The following PLEKHA7 variants were observed in gnomAD, a reference collection of about 807,000 sequenced individuals.
PLEKHA7 encodes the protein pleckstrin homology domain-containing family A member 7.
In PLEKHA7, 104 loss-of-function variants were observed where a neutral mutation model predicts 170.0. That is an observed-to-expected ratio of 0.61 (90% CI 0.52 to 0.72). The LOEUF is 0.72. Ranked by LOEUF, PLEKHA7 falls within the 30% of genes least tolerant of loss-of-function variation. PLEKHA7 has a pLI of 0.00. For synonymous variants in PLEKHA7, 648 were observed against 660.8 expected, an observed-to-expected ratio of 0.98 and a Z score of 0.30; for missense variants, 1,615 against 1,671.7, an observed-to-expected ratio of 0.97 and a Z score of 0.59.
At chr11:16,805,789 C>CAAAAAAAAAAA (rs11339921) in intron 13 of PLEKHA7, among the ~76,000 whole-genome samples, 4 of 111,196 alleles carry the variant, frequency 3.6e-5, no homozygotes, top group Non-Finnish European at 5.6e-5. Context: ...GACTCCATGT[C>CAAAAAAAAAAA]AAAAAAAAAA....
chr11:16,982,658 T>C (rs1451731322), intron 3 of PLEKHA7, among the ~76,000 whole-genome samples: 1 of 152,076 alleles, frequency 6.6e-6, no homozygotes, highest in Non-Finnish European at 1.5e-5. Context: ...CCCGTCCTCC[T>C]GTGCAGCTCT....
At chr11:16,870,978 C>T in intron 4 of PLEKHA7, 121 bp downstream of exon 4, 1 of 655,752 alleles carries the variant, frequency 1.5e-6, no homozygotes, top group East Asian at 3.1e-5. Flanking sequence ...TTGAATCAAC[C>T]AACCCACTCA....
rs571661532 is a variant in PLEKHA7 at position 16,906,611 on chromosome 11, G to A, written c.222-35429C>T. 1.9e-4 allele frequency among the ~76,000 whole-genome samples: 27 copies of A among 138,862 alleles called. No individual in the cohort carries two copies. The East Asian group carries it at 5.1e-3, about 26-fold the overall frequency. The allele number at this position is 138,862 out of a possible 152,430, so 91.1% of individuals were successfully genotyped here. On this transcript the variant is annotated intron_variant, in intron 3 of 26. Coordinates refer to ENST00000531066, the MANE Select transcript of PLEKHA7 (RefSeq NM_001329630.2). ...GTGCCGGGATGGCAGACGGAGTCGC[G>A]TTCACTCACTCAGTGTTCAGTGGTG...
At chr11:16,893,136 A>G (rs1856780322) in intron 3 of PLEKHA7, among the ~76,000 whole-genome samples, 1 of 152,232 alleles carries the variant, frequency 6.6e-6, no homozygotes, top group Admixed American at 6.5e-5. Context: ...TCTAACGGTT[A>G]TGTCAACACT....
intron 3 of PLEKHA7, among the ~76,000 whole-genome samples, chr11:16,945,706 G>A (rs1387167363): frequency 6.6e-6 from 1 of 152,188 alleles, no homozygotes; most frequent in Non-Finnish European, 1.5e-5. Flanking sequence ...GTGGTGAGGG[G>A]ACATGAGGGG....
At chr11:16,796,857 G>A (rs1848265690) in intron 17 of PLEKHA7, among the ~76,000 whole-genome samples, 1 of 152,064 alleles carries the variant, frequency 6.6e-6, no homozygotes, top group Admixed American at 6.5e-5. Flanking sequence ...TGTAGAGACA[G>A]GGGTCTTGTT....
intron 4 of PLEKHA7, among the ~76,000 whole-genome samples, chr11:16,866,913 C>T (rs947637314): frequency 2.0e-5 from 3 of 152,076 alleles, no homozygotes; most frequent in Admixed American, 2.0e-4. Context: ...TCCTACCTGC[C>T]AACAGTGGGG....
chr11:16,906,266 GGAAGGAAGGAAGGAAA>G (rs1446797249), intron 3 of PLEKHA7, among the ~76,000 whole-genome samples: 2 of 97,828 alleles, frequency 2.0e-5, no homozygotes, highest in African/African-American at 7.5e-5. Context: ...AAGGAAGGAA[GGAAGGAAGGAAGGAAA>G]GAAAGAAAAT....
chr11:16,989,174 T>C (rs375603151), intron 3 of PLEKHA7, among the ~76,000 whole-genome samples: 5 of 152,316 alleles, frequency 3.3e-5, no homozygotes, highest in African/African-American at 9.6e-5. Context: ...AACCCCTTTG[T>C]CCCAGAGCTA....
At chr11:17,008,506 T>C (rs1276364044) in intron 3 of PLEKHA7, among the ~76,000 whole-genome samples, 2 of 152,246 alleles carry the variant, frequency 1.3e-5, no homozygotes, top group African/African-American at 2.4e-5. Context: ...TTCCTGGCTG[T>C]TGAGCTTCTC....
At chr11:16,910,955 C>T (rs538712002) in intron 3 of PLEKHA7, among the ~76,000 whole-genome samples, 1 of 152,336 alleles carries the variant, frequency 6.6e-6, no homozygotes, top group African/African-American at 2.4e-5. Context: ...CACTCTGTCA[C>T]ATTTCCCGAC....
At chr11:16,842,143 C>T (rs1024952780) in intron 8 of PLEKHA7, 11 of 169,882 alleles carry the variant, frequency 6.5e-5, no homozygotes, top group Middle Eastern at 2.9e-3. Flanking sequence ...CTGGCTGCAA[C>T]AGCAGGTGGC....
intron 4 of PLEKHA7, among the ~76,000 whole-genome samples, chr11:16,856,329 C>T (rs969748710): frequency 3.9e-5 from 6 of 152,202 alleles, no homozygotes; most frequent in African/African-American, 1.4e-4. Context: ...CCAAAAGAAG[C>T]TGTTTATAAT....
At chr11:16,886,163 AG>A (rs1456904793) in intron 3 of PLEKHA7, among the ~76,000 whole-genome samples, 2 of 152,182 alleles carry the variant, frequency 1.3e-5, no homozygotes, top group Non-Finnish European at 2.9e-5. Flanking sequence ...CCACCCAAAG[AG>A]GCCACTGGCA....
At chr11:16,981,441 A>T (rs977608441) in intron 3 of PLEKHA7, among the ~76,000 whole-genome samples, 1 of 152,152 alleles carries the variant, frequency 6.6e-6, no homozygotes, top group Non-Finnish European at 1.5e-5. Context: ...GGTCCACGGA[A>T]GAGAAGAGCT....
chr11:16,894,705 C>G (rs1289455651), intron 3 of PLEKHA7, among the ~76,000 whole-genome samples: 1 of 152,100 alleles, frequency 6.6e-6, no homozygotes, highest in African/African-American at 2.4e-5. Context: ...CACAGAAAAC[C>G]TACTGACTCC....
At chr11:16,963,443 A>G (rs1356018324) in intron 3 of PLEKHA7, among the ~76,000 whole-genome samples, 4 of 151,986 alleles carry the variant, frequency 2.6e-5, no homozygotes, top group African/African-American at 9.7e-5. Context: ...GCCCTACTTC[A>G]TGATTCCAAA....
intron 3 of PLEKHA7, among the ~76,000 whole-genome samples, chr11:16,917,273 A>G (rs1204701398): frequency 6.6e-6 from 1 of 152,220 alleles, no homozygotes; most frequent in African/African-American, 2.4e-5. Flanking sequence ...CCCCACTAGA[A>G]TGAGAGCTGC....
At chr11:16,823,907 T>C (rs1056317366) in intron 10 of PLEKHA7, among the ~76,000 whole-genome samples, 1 of 152,206 alleles carries the variant, frequency 6.6e-6, no homozygotes. Flanking sequence ...TTATACTCAG[T>C]GGAGTAGTGT....
Sources: allele counts gnomAD v4.1 joint callset (sites outside exome capture counted in the v4.1 genomes callset), GRCh38; gene constraint gnomAD v4.1.1; transcripts MANE v1.5; gene names NCBI Gene and HGNC (gene_info 2026-07-23, HGNC 2026-07-21).